The following NUDT2 variants were observed in gnomAD, a reference collection of about 807,000 sequenced individuals.
NUDT2 encodes bis(5'-nucleosyl)-tetraphosphatase [asymmetrical].
NUDT2 carries 12 observed loss-of-function variants against 14.2 expected under a neutral mutation model. That is an observed-to-expected ratio of 0.84 (90% confidence interval 0.54 to 1.37). The LOEUF is 1.37. NUDT2 is among the 40% of genes most tolerant of loss of function. The probability of loss-of-function intolerance (pLI) is 0.00; values close to 1 mark genes in which losing one functional copy is unlikely to be tolerated. For synonymous variants in NUDT2, 67 were observed against 67.4 expected, an observed-to-expected ratio of 0.99 and a Z score of 0.03; for missense variants, 167 against 176.7, an observed-to-expected ratio of 0.95 and a Z score of 0.31.
intron 1 of NUDT2, among the ~76,000 whole-genome samples, chr9:34,334,417 T>G (rs996730550): frequency 6.6e-6 from 1 of 152,170 alleles, no homozygotes; most frequent in Non-Finnish European, 1.5e-5. Context: ...GCTGCAGGCA[T>G]ATTTGCATAT....
intron 1 of NUDT2, among the ~76,000 whole-genome samples, chr9:34,330,060 G>C (rs1052336358): frequency 6.6e-6 from 1 of 152,224 alleles, no homozygotes; most frequent in Non-Finnish European, 1.5e-5. Flanking sequence ...AGTAAAGAAA[G>C]TCGAACAAGA....
At chr9:34,342,153 G>C (rs1163345015) in intron 4 of NUDT2, among the ~76,000 whole-genome samples, 2 of 152,200 alleles carry the variant, frequency 1.3e-5, no homozygotes, top group East Asian at 3.8e-4. Flanking sequence ...TCTTAGAAGT[G>C]GTTCTCAGCT....
At chr9:34,339,941 C>CT (rs34588844) in intron 4 of NUDT2, among the ~76,000 whole-genome samples, 70,358 of 148,602 alleles carry the variant, frequency 0.47, 19,332 homozygotes, top group South Asian at 0.64. Flanking sequence ...TTTTTCTTTT[C>CT]TTTTTTTTTT....
intron 4 of NUDT2, among the ~76,000 whole-genome samples, chr9:34,341,292 C>G (rs1323104800): frequency 1.3e-5 from 2 of 152,178 alleles, no homozygotes; most frequent in Admixed American, 1.3e-4. Flanking sequence ...TGAATAGATG[C>G]CCCTGGGAGG....
intron 1 of NUDT2, among the ~76,000 whole-genome samples, chr9:34,331,975 T>C (rs1837953120): frequency 6.6e-6 from 1 of 152,246 alleles, no homozygotes; most frequent in Non-Finnish European, 1.5e-5. Flanking sequence ...CATCCCTTCC[T>C]TTCCTTTCTC....
chr9:34,335,483 T>A (rs1838068508), intron 1 of NUDT2, among the ~76,000 whole-genome samples: 1 of 152,210 alleles, frequency 6.6e-6, no homozygotes, highest in African/African-American at 2.4e-5. Context: ...CAAGCCGTGT[T>A]AAGGATGCAG....
intron 1 of NUDT2, among the ~76,000 whole-genome samples, chr9:34,335,440 C>T (rs970855655): frequency 3.9e-5 from 6 of 152,190 alleles, no homozygotes; most frequent in African/African-American, 7.2e-5. Flanking sequence ...TCACTCATAG[C>T]GTTTGCTTCC....
intron 1 of NUDT2, among the ~76,000 whole-genome samples, chr9:34,332,976 G>GT (rs2131853051): frequency 6.6e-6 from 1 of 152,280 alleles, no homozygotes; most frequent in Admixed American, 6.5e-5. Flanking sequence ...GATGTGGGAG[G>GT]TGAGGGAGTA....
At chr9:34,330,785 C>T (rs1194462627) in intron 1 of NUDT2, among the ~76,000 whole-genome samples, 1 of 152,060 alleles carries the variant, frequency 6.6e-6, no homozygotes, top group African/African-American at 2.4e-5. Context: ...CACGGTGAAA[C>T]CCCGTCTCTA....
intron 1 of NUDT2, among the ~76,000 whole-genome samples, chr9:34,330,700 G>A (rs571566900): frequency 3.3e-5 from 5 of 152,308 alleles, no homozygotes; most frequent in South Asian, 2.1e-4. Flanking sequence ...GGTGGCTCAC[G>A]CCTGTAATCC....
rs1432136565 is a variant in NUDT2, at chr9:34,343,293, G to C, written c.297G>C (p.Lys99Asn). 3 of 1,611,810 alleles carry C rather than the reference G, an allele frequency of 1.9e-6. No homozygotes were observed. Among genetic ancestry groups the C allele is most frequent in the African/African-American group, 1.3e-5 (1 of 74,898 alleles). ...KTVIYWLAEV[K>N]DYDVEIRLSH... The stretch of plus-strand genomic sequence containing the variant: ...TCATTTACTGGCTGGCGGAGGTGAA[G>C]GACTATGACGTGGAGATCCGCCTCT... Residue 99 changes from lysine to asparagine, a missense_variant, in exon 5 of 5, where the codon AAG becomes AAC. Coordinates refer to ENST00000379158, the MANE Select transcript of NUDT2 (RefSeq NM_001161.5).
intron 1 of NUDT2, among the ~76,000 whole-genome samples, chr9:34,331,521 T>C (rs139130294): frequency 2.6e-5 from 4 of 152,334 alleles, no homozygotes; most frequent in East Asian, 3.9e-4. Context: ...ATGAAAATGC[T>C]TGGAATACCA....
chr9:34,343,035 GAA>G (rs56783603), intron 4 of NUDT2, 87 bp from the exon 5 acceptor site: 337 of 1,092,380 alleles, frequency 3.1e-4, no homozygotes, highest in Non-Finnish European at 3.6e-4. Context: ...AAGCAAAACA[GAA>G]AAAAAAAAAA....
At chr9:34,340,909 C>A (rs1380679688) in intron 4 of NUDT2, among the ~76,000 whole-genome samples, 2 of 152,098 alleles carry the variant, frequency 1.3e-5, no homozygotes, top group Non-Finnish European at 2.9e-5. Flanking sequence ...AACTCCTGGG[C>A]TCAAGTGATC....
intron 2 of NUDT2, among the ~76,000 whole-genome samples, chr9:34,336,993 C>T (rs1838105233): frequency 7.6e-6 from 1 of 130,868 alleles, no homozygotes; most frequent in South Asian, 2.7e-4. Flanking sequence ...GTTATATGTA[C>T]ATCTTTTTTT....
intron 1 of NUDT2, among the ~76,000 whole-genome samples, chr9:34,333,518 A>G (rs920322666): frequency 6.6e-6 from 1 of 151,958 alleles, no homozygotes; most frequent in Non-Finnish European, 1.5e-5. Flanking sequence ...TTGTAGTCCT[A>G]GCTACCCAGG....
At chr9:34,340,323 T>C (rs763315371) in intron 4 of NUDT2, among the ~76,000 whole-genome samples, 1 of 151,940 alleles carries the variant, frequency 6.6e-6, no homozygotes, top group Non-Finnish European at 1.5e-5. Flanking sequence ...CATAGAGAAG[T>C]TGGGCTCCCT....
Position 34,338,720 on chromosome 9 carries a change from G to A in NUDT2, c.-144G>A, listed in dbSNP as rs141762241. 3.8e-4 allele frequency: 72 copies of A among 187,616 alleles called. No homozygotes were observed. Among genetic ancestry groups the A allele is most frequent in the African/African-American group, 1.6e-3 (67 of 43,078 alleles). 11.6% of individuals were successfully genotyped at this position (187,616 alleles called of 1,614,324 possible). ...ACATCTCTCTTGTTTCAGTGCGTTT[G>A]CTTCTGAGGATCTCCAGTGTCACAA... is the stretch of plus-strand genomic sequence containing the variant. On this transcript the variant is annotated 5_prime_UTR_variant, in exon 3 of 5. Coordinates refer to ENST00000379158, the MANE Select transcript of NUDT2 (RefSeq NM_001161.5).
At chr9:34,332,411 C>A (rs949204324) in intron 1 of NUDT2, among the ~76,000 whole-genome samples, 1 of 152,188 alleles carries the variant, frequency 6.6e-6, no homozygotes, top group Admixed American at 6.5e-5. Flanking sequence ...GGAATGTCTT[C>A]CACTTTCACT....
Sources: gnomAD v4.1 joint callset for allele counts (sites outside exome capture counted in the v4.1 genomes callset) on GRCh38, gnomAD v4.1.1 for gene constraint, MANE v1.5 for transcripts, NCBI Gene and HGNC (gene_info 2026-07-23, HGNC 2026-07-21) for gene names.